Variants in GALNT17 observed in about 807,000 individuals in gnomAD.
GALNT17 encodes the protein UDP-GalNAc:polypeptide N-acetylgalactosaminyltransferase-like 3.
In GALNT17, 29 loss-of-function variants were observed where a neutral mutation model predicts 63.7. That is an observed-to-expected ratio of 0.46 (90% CI 0.34 to 0.62). The LOEUF (loss-of-function observed/expected upper bound fraction) is 0.62. Ranked by LOEUF, GALNT17 falls within the 20% of genes least tolerant of loss-of-function variation. The pLI, the probability that GALNT17 is intolerant of heterozygous loss-of-function variation, is 0.01. For missense variants in GALNT17, 603 were observed against 799.6 expected, an observed-to-expected ratio of 0.75 and a Z score of 2.97; for synonymous variants, 305 against 318.3, an observed-to-expected ratio of 0.96 and a Z score of 0.45.
At chr7:71,184,387 GC>G (rs61589462) in intron 1 of GALNT17, among the ~76,000 whole-genome samples, 39,686 of 152,072 alleles carry the variant, frequency 0.26, 9,572 homozygotes, top group African/African-American at 0.65. Context: ...GAGTGCTGGG[GC>G]CAAATTACAC....
intron 6 of GALNT17, among the ~76,000 whole-genome samples, chr7:71,637,488 C>CT (rs1790544355): frequency 1.6e-5 from 2 of 128,494 alleles, no homozygotes; most frequent in Non-Finnish European, 3.3e-5. Flanking sequence ...CGCACCTGGC[C>CT]ATTTTTTTTT....
At chr7:71,234,828 C>A (rs1445164818) in intron 1 of GALNT17, among the ~76,000 whole-genome samples, 1 of 152,170 alleles carries the variant, frequency 6.6e-6, no homozygotes, top group Non-Finnish European at 1.5e-5. Flanking sequence ...GAGATTTGTT[C>A]TGTGTTGCCA....
At chr7:71,595,427 GTC>G (rs1789870769) in intron 6 of GALNT17, among the ~76,000 whole-genome samples, 1 of 147,788 alleles carries the variant, frequency 6.8e-6, no homozygotes, top group Admixed American at 6.7e-5. Context: ...GGGAGACTCT[GTC>G]TCAAAAAAAA....
At chr7:71,376,292 A>G (rs1792722708) in intron 2 of GALNT17, among the ~76,000 whole-genome samples, 1 of 149,640 alleles carries the variant, frequency 6.7e-6, no homozygotes, top group African/African-American at 2.5e-5. Context: ...CGTAGGCAGC[A>G]TTTCCTGTGC....
chr7:71,699,171 C>CAAAAAAAAAAAAAA, intron 9 of GALNT17, among the ~76,000 whole-genome samples: 1 of 77,296 alleles, frequency 1.3e-5, no homozygotes, highest in Non-Finnish European at 2.3e-5. Flanking sequence ...GACTCCATCT[C>CAAAAAAAAAAAAAA]AAAAAAAAAA....
In GALNT17 at chr7:71,712,374, C is replaced by T; in HGVS notation, c.*228C>T. 1 of 422,560 alleles carries T rather than the reference C, an allele frequency of 2.4e-6. No homozygotes were observed. The highest frequency in any genetic ancestry group is 5.2e-5 in the East Asian group (1 of 19,292). 26.2% of individuals were successfully genotyped at this position (422,560 alleles called of 1,614,324 possible). ...ACCCTGGAAAAGCCCCCCACCCTTC[C>T]TCTGGGAAACTGACAGCTGTCTTCC... On this transcript the variant is annotated 3_prime_UTR_variant, in exon 11 of 11. Transcript: ENST00000333538.
intron 6 of GALNT17, among the ~76,000 whole-genome samples, chr7:71,593,103 T>C (rs192744527): frequency 6.6e-6 from 1 of 151,920 alleles, no homozygotes; most frequent in East Asian, 1.9e-4. Context: ...GGAGCTATGA[T>C]TGCACCCTTG....
chr7:71,225,579 C>G (rs969648469), intron 1 of GALNT17, among the ~76,000 whole-genome samples: 1 of 152,188 alleles, frequency 6.6e-6, no homozygotes, highest in Admixed American at 6.5e-5. Context: ...CAGAGAAGTT[C>G]CGTACTGTAT....
intron 1 of GALNT17, among the ~76,000 whole-genome samples, chr7:71,265,118 A>ATTTTTTTTTT (rs60738546): frequency 2.7e-4 from 10 of 37,454 alleles, no homozygotes; most frequent in Non-Finnish European, 4.1e-4. Flanking sequence ...ATATATATAT[A>ATTTTTTTTTT]TTTTTTTTTT....
intron 2 of GALNT17, among the ~76,000 whole-genome samples, chr7:71,354,770 A>T (rs1235809719): frequency 2.0e-5 from 3 of 152,174 alleles, no homozygotes; most frequent in African/African-American, 7.2e-5. Flanking sequence ...GAGCATTATG[A>T]CTATCTGGTT....
chr7:71,269,403 G>A (rs970676499), intron 1 of GALNT17, among the ~76,000 whole-genome samples: 2 of 152,192 alleles, frequency 1.3e-5, no homozygotes, highest in African/African-American at 4.8e-5. Context: ...GGAGTTTGAG[G>A]CTGCAGTGAG....
chr7:71,622,372 A>G (rs1790306397), intron 6 of GALNT17, among the ~76,000 whole-genome samples: 1 of 152,200 alleles, frequency 6.6e-6, no homozygotes, highest in Non-Finnish European at 1.5e-5. Context: ...CACTGGACAC[A>G]GAAGACTTTA....
intron 5 of GALNT17, among the ~76,000 whole-genome samples, chr7:71,433,019 C>A (rs971359858): frequency 1.3e-5 from 2 of 152,160 alleles, no homozygotes; most frequent in Non-Finnish European, 2.9e-5. Context: ...CCATGTTGGC[C>A]AGGCTGGTCT....
intron 2 of GALNT17, among the ~76,000 whole-genome samples, chr7:71,385,407 G>A (rs1018143455): frequency 2.6e-5 from 4 of 152,192 alleles, no homozygotes; most frequent in South Asian, 2.1e-4. Context: ...TGATGGTGAC[G>A]ACAGAGTCAG....
intron 1 of GALNT17, among the ~76,000 whole-genome samples, chr7:71,269,621 G>A (rs544029436): frequency 2.0e-5 from 3 of 152,216 alleles, no homozygotes; most frequent in Non-Finnish European, 4.4e-5. Flanking sequence ...CGACCCACAC[G>A]TGGGGCCTAG....
intron 1 of GALNT17, among the ~76,000 whole-genome samples, chr7:71,324,102 G>A (rs1295315360): frequency 2.0e-5 from 3 of 152,300 alleles, no homozygotes; most frequent in Admixed American, 6.5e-5. Flanking sequence ...AGCAGAGGAC[G>A]AGGCTGGGCA....
intron 9 of GALNT17, among the ~76,000 whole-genome samples, chr7:71,686,962 AG>A (rs1296976400): frequency 2.0e-5 from 3 of 152,102 alleles, no homozygotes; most frequent in African/African-American, 7.2e-5. Context: ...TCGTAAGATG[AG>A]GTGTGCACTG....
At chr7:71,491,037 A>T (rs1187094554) in intron 5 of GALNT17, among the ~76,000 whole-genome samples, 1 of 151,988 alleles carries the variant, frequency 6.6e-6, no homozygotes, top group African/African-American at 2.4e-5. Flanking sequence ...TCTACTAAAA[A>T]TACAAAATTA....
chr7:71,409,182 G>A (rs567840614), intron 3 of GALNT17, among the ~76,000 whole-genome samples: 2 of 152,210 alleles, frequency 1.3e-5, no homozygotes, highest in East Asian at 3.9e-4. Flanking sequence ...GTCGTAGGCA[G>A]TGGGGAAAGT....
Sources: allele counts gnomAD v4.1 joint callset (sites outside exome capture counted in the v4.1 genomes callset), GRCh38; gene constraint gnomAD v4.1.1; transcripts MANE v1.5; gene names NCBI Gene and HGNC (gene_info 2026-07-23, HGNC 2026-07-21).